Variants in GRB14 observed in about 807,000 individuals in gnomAD.
The protein encoded by GRB14 is growth factor receptor-bound protein 14.
A neutral mutation model predicts 69.1 loss-of-function variants in GRB14; 38 were observed. The observed-to-expected ratio is 0.55, with a 90% CI of 0.42 to 0.72. The LOEUF (loss-of-function observed/expected upper bound fraction) is 0.72. GRB14 is among the 30% of genes least tolerant of loss of function. The pLI, the probability that GRB14 is intolerant of heterozygous loss-of-function variation, is 0.00. For synonymous variants in GRB14, 247 were observed against 241.3 expected (o/e 1.02, Z -0.22); for missense variants, 666 against 666.1 (o/e 1.00, Z 0.00).
At chr2:164,521,890 G>C (rs968584571) in intron 6 of GRB14, 90 bp downstream of exon 6, 50 of 1,161,832 alleles carry the variant, frequency 4.3e-5, no homozygotes, top group Non-Finnish European at 6.2e-5. Flanking sequence ...TTGACATCAA[G>C]TAATAAAGTA....
At chr2:164,514,337 T>A (rs1687422200) in intron 6 of GRB14, among the ~76,000 whole-genome samples, 1 of 152,096 alleles carries the variant, frequency 6.6e-6, no homozygotes, top group Non-Finnish European at 1.5e-5. Flanking sequence ...AGGAAATGAA[T>A]TGCTGCTTCA....
chr2:164,558,817 G>A (rs966786458), intron 2 of GRB14, among the ~76,000 whole-genome samples: 2 of 152,160 alleles, frequency 1.3e-5, no homozygotes, highest in Admixed American at 1.3e-4. Context: ...GGGCAGAGGT[G>A]GAATAAGTGT....
At chr2:164,592,846 T>G (rs182538390) in intron 2 of GRB14, among the ~76,000 whole-genome samples, 105 of 152,328 alleles carry the variant, frequency 6.9e-4, no homozygotes, top group African/African-American at 2.4e-3. Flanking sequence ...TTATTTCCTT[T>G]TAATATTGCT....
At chr2:164,527,218 T>C (rs867314350) in intron 3 of GRB14, 83 bp from the exon 4 acceptor site, 339 of 148,332 alleles carry the variant, frequency 2.3e-3, no homozygotes, top group African/African-American at 0.012. Flanking sequence ...TATATATATA[T>C]ATACACACAC....
chr2:164,618,652 T>C (rs1241955055), intron 2 of GRB14, among the ~76,000 whole-genome samples: 1 of 152,160 alleles, frequency 6.6e-6, no homozygotes, highest in East Asian at 1.9e-4. Context: ...TCAAACATAT[T>C]TCCTACTGTC....
At position 164,567,484 on chromosome 2, in the gene GRB14, T is replaced by C. The variant is rs148029041; in HGVS notation, c.325-19668A>G. Among the ~76,000 whole-genome samples the C allele has an allele frequency of 2.0e-5, 3 of 152,248 alleles. No individual in the cohort carries two copies. The East Asian group carries it at 5.8e-4, about 29-fold the overall frequency. Reference sequence around the variant, plus strand: ...TGAGTTCAAAAATAAACACTACAGTTTCTAGTGTCACCAAAACCATTTGGT... The same window carrying C: ...TGAGTTCAAAAATAAACACTACAGTCTCTAGTGTCACCAAAACCATTTGGT... On this transcript the variant is annotated intron_variant, in intron 2 of 13. Transcript: ENST00000263915.
chr2:164,515,594 A>G (rs1687460507), intron 6 of GRB14, among the ~76,000 whole-genome samples: 1 of 152,228 alleles, frequency 6.6e-6, no homozygotes, highest in Non-Finnish European at 1.5e-5. Context: ...TCCTTTTGAC[A>G]TAGTTACCCA....
At chr2:164,521,386 G>T (rs1397970326) in intron 6 of GRB14, among the ~76,000 whole-genome samples, 4 of 152,024 alleles carry the variant, frequency 2.6e-5, no homozygotes, top group African/African-American at 9.7e-5. Context: ...GGGGGTGAAG[G>T]ATAAAAGACT....
At chr2:164,550,567 A>T (rs1688508700) in intron 2 of GRB14, among the ~76,000 whole-genome samples, 1 of 152,182 alleles carries the variant, frequency 6.6e-6, no homozygotes, top group Non-Finnish European at 1.5e-5. Context: ...TCTATTGGAG[A>T]ATATTTACCA....
chr2:164,613,798 C>T (rs1690221447), intron 2 of GRB14, among the ~76,000 whole-genome samples: 1 of 152,142 alleles, frequency 6.6e-6, no homozygotes, highest in Non-Finnish European at 1.5e-5. Context: ...TTTGTCTGAA[C>T]AATCAATACC....
Position 164,523,930 on chromosome 2 carries a change from A to G in GRB14, c.678+1074T>C, listed in dbSNP as rs547015124. 2.6e-5 allele frequency among the ~76,000 whole-genome samples: 4 copies of G among 152,190 alleles called. No homozygotes were observed. The East Asian group carries it at 7.7e-4, about 29-fold the overall frequency. On this transcript the variant is annotated intron_variant, in intron 5 of 13. Transcript: ENST00000263915. ...GTTGTAATACAGTGGTGAAGCATTC[A>G]GAGGGCTGAGATCTGAAAGTCCTGG...
chr2:164,566,585 G>A (rs1688980958), intron 2 of GRB14, among the ~76,000 whole-genome samples: 2 of 152,078 alleles, frequency 1.3e-5, no homozygotes, highest in African/African-American at 4.8e-5. Context: ...GCTTTCCAGA[G>A]TAATCTTGTT....
intron 6 of GRB14, among the ~76,000 whole-genome samples, chr2:164,509,792 GAAAAAA>G (rs10675642): frequency 1.2e-4 from 10 of 86,250 alleles, no homozygotes; most frequent in Admixed American, 2.8e-4. Flanking sequence ...AGAAGCAGTG[GAAAAAA>G]AAAAAAAAAA....
At chr2:164,574,193 T>C (rs1267098799) in intron 2 of GRB14, 1 of 580,096 alleles carries the variant, frequency 1.7e-6, no homozygotes, top group Non-Finnish European at 3.1e-6. Context: ...AGCCATTTTT[T>C]CCCCTCCACT....
chr2:164,511,474 C>T (rs1316027378), intron 6 of GRB14, among the ~76,000 whole-genome samples: 2 of 152,140 alleles, frequency 1.3e-5, no homozygotes, highest in Non-Finnish European at 2.9e-5. Flanking sequence ...CAGAAAGTAG[C>T]TCCCAGATGA....
intron 9 of GRB14, among the ~76,000 whole-genome samples, chr2:164,500,329 T>A (rs1687017255): frequency 6.6e-6 from 1 of 151,956 alleles, no homozygotes; most frequent in African/African-American, 2.4e-5. Context: ...GGTTTGAGAA[T>A]TTTTTTTCTC....
rs1481430540 is a variant in GRB14 at position 164,492,557 on chromosome 2, AAT to A, written c.*477_*478del. On this transcript the variant is annotated 3_prime_UTR_variant, in exon 14 of 14. Transcript: ENST00000263915. ...TAAACCCGGAAAATATATAATTCAA[AAT>A]AGTTTTTAGTTTCATTAACAGGTTG... Among the ~76,000 whole-genome samples the A allele has an allele frequency of 6.6e-6, 1 of 151,894 alleles. No individual in the cohort carries two copies. Among genetic ancestry groups the A allele is most frequent in the African/African-American group, 2.4e-5 (1 of 41,420 alleles).
chr2:164,595,032 T>C (rs1689751107), intron 2 of GRB14, among the ~76,000 whole-genome samples: 1 of 152,328 alleles, frequency 6.6e-6, no homozygotes, highest in Non-Finnish European at 1.5e-5. Context: ...AATAGGTCCA[T>C]GTCTGTTTCA....
chr2:164,616,026 T>C (rs1254005263), intron 2 of GRB14, among the ~76,000 whole-genome samples: 2 of 152,292 alleles, frequency 1.3e-5, no homozygotes, highest in East Asian at 1.9e-4. Context: ...TTCTGGACCA[T>C]GTATGTAAGG....
Sources: gnomAD v4.1 joint callset for allele counts (sites outside exome capture counted in the v4.1 genomes callset) on GRCh38, gnomAD v4.1.1 for gene constraint, MANE v1.5 for transcripts, NCBI Gene and HGNC (gene_info 2026-07-23, HGNC 2026-07-21) for gene names.